The following TRIP13 variants were observed in gnomAD, a reference collection of about 807,000 sequenced individuals.
The protein encoded by TRIP13 is pachytene checkpoint protein 2 homolog.
A neutral mutation model predicts 54.4 loss-of-function variants in TRIP13; 25 were observed. The observed-to-expected ratio is 0.46, with a 90% CI of 0.33 to 0.64. TRIP13 has a LOEUF of 0.64. Ranked by LOEUF, TRIP13 falls within the 30% of genes least tolerant of loss-of-function variation. The pLI, the probability that TRIP13 is intolerant of heterozygous loss-of-function variation, is 0.02. For synonymous variants in TRIP13, 207 were observed against 207.8 expected, an observed-to-expected ratio of 1.00 and a Z score of 0.03; for missense variants, 373 against 534.2, an observed-to-expected ratio of 0.70 and a Z score of 2.97.
chr5:908,253 C>A lies in TRIP13; in HGVS notation c.760-102C>A. On this transcript the variant is annotated intron_variant, in intron 8 of 12. Coordinates refer to ENST00000166345, the MANE Select transcript of TRIP13 (RefSeq NM_004237.4). This position sits in a 1 kb window ranked among gnomAD's most constrained non-coding sequence, Gnocchi z 5.2. ...TCCGCAGGCTAGGCACGGGAACACC[C>A]ATTCATTCATCTTTTTCACGTGCTC... is the stretch of plus-strand genomic sequence containing the variant. 2.8e-6 allele frequency: 4 copies of A among 1,439,064 alleles called. No individual in the cohort carries two copies. In the East Asian group the frequency reaches 6.8e-5, roughly 25 times the overall value. The allele number at this position is 1,439,064 out of a possible 1,614,324, so 89.1% of individuals were successfully genotyped here.
At chr5:893,511 C>T (rs1753761867) in intron 1 of TRIP13, 1 of 217,464 alleles carries the variant, frequency 4.6e-6, no homozygotes, top group Non-Finnish European at 9.4e-6. Context: ...TGAGCCACTG[C>T]TTCTCAGACC....
intron 1 of TRIP13, 41 bp downstream of exon 1, chr5:893,131 C>G: frequency 3.3e-6 from 5 of 1,523,156 alleles, no homozygotes; most frequent in Non-Finnish European, 4.4e-6. Flanking sequence ...GGCACCCACC[C>G]GCCCCGACCC....
chr5:913,501 G>A lies in TRIP13; in HGVS notation c.1021-964G>A, dbSNP rs1437468939. Among the ~76,000 whole-genome samples, 2 of 152,134 alleles carry A rather than the reference G, an allele frequency of 1.3e-5. No individual in the cohort carries two copies. Among genetic ancestry groups the A allele is most frequent in the Non-Finnish European group, 2.9e-5 (2 of 68,008 alleles). On this transcript the variant is annotated intron_variant, in intron 10 of 12. Transcript: ENST00000166345. The surrounding 1 kb of genome is among the most constrained non-coding windows in gnomAD (Gnocchi z 4.5). Reference sequence around the variant, plus strand: ...TTCGTGAGTAGCTGGGATTACAGGTGCATGCCACCACACCTGGCTAATTTT... The same window carrying A: ...TTCGTGAGTAGCTGGGATTACAGGTACATGCCACCACACCTGGCTAATTTT...
In TRIP13 at chr5:908,075, G is replaced by A; in HGVS notation, c.759+1G>A. ...CCTGGTGTTCGTGCTGATTGATGAG[G>A]TAGGCATTTCCAGATAAGGAAATTC... On this transcript the variant is annotated splice_donor_variant, in intron 8 of 12. Transcript: ENST00000166345. LOFTEE classifies it high-confidence loss of function. This position sits in a 1 kb window ranked among gnomAD's most constrained non-coding sequence, Gnocchi z 5.2. 1 of 1,614,144 alleles carries A rather than the reference G, an allele frequency of 6.2e-7. No homozygotes were observed. Among genetic ancestry groups the A allele is most frequent in the Non-Finnish European group, 8.5e-7 (1 of 1,179,976 alleles).
intron 10 of TRIP13, among the ~76,000 whole-genome samples, chr5:914,246 T>C (rs908745367): frequency 1.3e-5 from 2 of 152,170 alleles, no homozygotes; most frequent in African/African-American, 4.8e-5. Context: ...TGTTCCGTTA[T>C]TTGTATTTGT....
chr5:912,339 C>G lies in TRIP13; in HGVS notation c.1020+343C>G, dbSNP rs1754253097. On this transcript the variant is annotated intron_variant, in intron 10 of 12. Coordinates refer to ENST00000166345, the MANE Select transcript of TRIP13 (RefSeq NM_004237.4). This position sits in a 1 kb window ranked among gnomAD's most constrained non-coding sequence, Gnocchi z 7.2. ...ACCCCGGGCTTTTCCAATGCCCTGC[C>G]TCTCGGGGGCCTGTATCCTTACCTG... 1.3e-5 allele frequency among the ~76,000 whole-genome samples: 2 copies of G among 152,040 alleles called. No individual in the cohort carries two copies. The highest frequency in any genetic ancestry group is 2.1e-4 in the South Asian group (1 of 4,810).
chr5:904,625 G>C (rs1225367618), intron 6 of TRIP13, among the ~76,000 whole-genome samples: 2 of 151,616 alleles, frequency 1.3e-5, no homozygotes, highest in African/African-American at 4.8e-5. Flanking sequence ...GACTCTGTCT[G>C]CTTTCATGTT....
intron 2 of TRIP13, among the ~76,000 whole-genome samples, chr5:895,382 C>T (rs1246580852): frequency 6.6e-6 from 1 of 152,134 alleles, no homozygotes. Context: ...CCTCACCCAC[C>T]ATCTGAGTTG....
In TRIP13 at chr5:894,949, A is replaced by G. The variant is rs776794272; in HGVS notation, c.255A>G (p.Ser85=). 1.4e-5 allele frequency: 22 copies of G among 1,603,446 alleles called. No individual in the cohort carries two copies. The highest frequency in any genetic ancestry group is 1.9e-5 in the Non-Finnish European group (22 of 1,176,306). The stretch of plus-strand genomic sequence containing the variant: ...ACACAGAATTAAAGGTTAAAGACTC[A>G]CAGGTAAGTTACTAATTTGCTGGGC... ...IIDTELKVKD[S]QPIDLSACTV... Residue 85 remains serine, a synonymous_variant, in exon 2 of 13, where the codon TCA becomes TCG. Transcript: ENST00000166345.
chr5:902,906 C>T (rs1754025289), intron 5 of TRIP13, among the ~76,000 whole-genome samples: 2 of 151,956 alleles, frequency 1.3e-5, no homozygotes, highest in Admixed American at 1.3e-4. Flanking sequence ...AGAGAGACGG[C>T]TTACACCATT....
Position 893,057 on chromosome 5 carries a change from C to T in TRIP13, c.59C>T (p.Thr20Met). Residue 20 changes from threonine to methionine, a missense_variant, in exon 1 of 13, where the codon ACG becomes ATG. Coordinates refer to ENST00000166345, the MANE Select transcript of TRIP13 (RefSeq NM_004237.4). ...QALPCVAESP[T>M]VHVEVHQRGS... is the part of the protein sequence containing the mutation. ...CTTCCCTGTGTGGCCGAGTCGCCAA[C>T]GGTCCACGTGGAGGTGCATCAGCGC... 2 of 1,598,138 alleles carry T rather than the reference C, an allele frequency of 1.3e-6. No individual in the cohort carries two copies. Among genetic ancestry groups the T allele is most frequent in the Non-Finnish European group, 1.7e-6 (2 of 1,176,528 alleles).
At chr5:909,755 CG>C (rs1237343809) in intron 9 of TRIP13, among the ~76,000 whole-genome samples, 4 of 152,216 alleles carry the variant, frequency 2.6e-5, no homozygotes, top group Admixed American at 2.0e-4. Flanking sequence ...GTATCCCTTA[CG>C]GGAAACGAAG....
chr5:893,237 C>T (rs1443929971), intron 1 of TRIP13, 147 bp downstream of exon 1: 8 of 800,472 alleles, frequency 1.0e-5, no homozygotes, highest in African/African-American at 5.5e-5. Context: ...GGCGCACAGG[C>T]CGCCGGGCCC....
chr5:900,207 A>G (rs964904188), intron 3 of TRIP13, among the ~76,000 whole-genome samples: 10 of 152,262 alleles, frequency 6.6e-5, no homozygotes, highest in African/African-American at 2.4e-4. Flanking sequence ...AGTTTTTTTA[A>G]AAGACAATTG....
chr5:904,289 T>C, intron 6 of TRIP13, 69 bp downstream of exon 6: 4 of 1,383,682 alleles, frequency 2.9e-6, no homozygotes, highest in Non-Finnish European at 4.0e-6. Flanking sequence ...TGTTTTTTTT[T>C]TTTTCTAAAT....
At chr5:918,683 G>A (rs562859583), downstream of TRIP13, among the ~76,000 whole-genome samples, 1 of 152,250 alleles carries the variant, frequency 6.6e-6, no homozygotes, top group African/African-American at 2.4e-5. The surrounding 1 kb of genome is among the most constrained non-coding windows in gnomAD (Gnocchi z 4.3). Context: ...CCCACAGTAG[G>A]CCATCGCAAG....
At chr5:916,874 C>A in intron 12 of TRIP13, 134 bp from the exon 13 acceptor site, 1 of 648,502 alleles carries the variant, frequency 1.5e-6, no homozygotes, top group Non-Finnish European at 2.6e-6. Flanking sequence ...GTGGTGCGCA[C>A]TCACTGCTCA....
At chr5:896,147 A>G (rs1337260214) in intron 2 of TRIP13, among the ~76,000 whole-genome samples, 3 of 152,180 alleles carry the variant, frequency 2.0e-5, no homozygotes. Flanking sequence ...CCCCGTCTCT[A>G]AAAAGAGTTT....
At chr5:914,720 CGTGTG>C in intron 11 of TRIP13, 143 bp downstream of exon 11, 5 of 596,670 alleles carry the variant, frequency 8.4e-6, no homozygotes, top group Admixed American at 5.3e-5. Flanking sequence ...CATGTACACA[CGTGTG>C]TGTGTGTGTG....
Sources: allele counts gnomAD v4.1 joint callset (sites outside exome capture counted in the v4.1 genomes callset), GRCh38; gene constraint gnomAD v4.1.1; non-coding constraint Gnocchi (gnomAD v3.1); transcripts MANE v1.5; gene names NCBI Gene and HGNC (gene_info 2026-07-23, HGNC 2026-07-21).